Variants in LIN28B observed in about 807,000 individuals in gnomAD.
The protein encoded by LIN28B is protein lin-28 homolog B.
A neutral mutation model predicts 21.9 loss-of-function variants in LIN28B; 5 were observed. That is an observed-to-expected ratio of 0.23 (90% confidence interval 0.12 to 0.48). The LOEUF (loss-of-function observed/expected upper bound fraction) is 0.48, where lower values mean the gene tolerates loss of function less well. Among genes scored for constraint, LIN28B ranks in the 20% least tolerant of loss-of-function variants. LIN28B has a pLI of 0.98. For synonymous variants in LIN28B, 109 were observed against 111.3 expected (o/e 0.98, Z 0.13); for missense variants, 245 against 310.5 (o/e 0.79, Z 1.58).
chr6:104,962,099 A>G (rs896716481), intron 2 of LIN28B, among the ~76,000 whole-genome samples: 36 of 152,160 alleles, frequency 2.4e-4, no homozygotes, highest in African/African-American at 8.4e-4. Context: ...GGTGTAGAAT[A>G]CATTCTCCTT....
intron 2 of LIN28B, among the ~76,000 whole-genome samples, chr6:105,007,273 T>G (rs950892319): frequency 1.3e-5 from 2 of 152,210 alleles, no homozygotes; most frequent in East Asian, 3.8e-4. Flanking sequence ...TTTGAATTTA[T>G]TATTCAAAAC....
intron 3 of LIN28B, among the ~76,000 whole-genome samples, chr6:105,045,200 AT>A (rs1562104294): frequency 1.3e-5 from 2 of 151,364 alleles, no homozygotes; most frequent in African/African-American, 2.4e-5. Context: ...AATCCTGAGT[AT>A]TCCTAAATCC....
chr6:105,036,652 C>T lies in LIN28B; in HGVS notation c.383+10170C>T, dbSNP rs867875141. Among the ~76,000 whole-genome samples, 500 of 151,922 alleles carry T rather than the reference C, an allele frequency of 3.3e-3. 5 individuals are homozygous for T. The highest frequency in any genetic ancestry group is 0.025 in the South Asian group (122 of 4,816). On this transcript the variant is annotated intron_variant, in intron 3 of 3. Transcript: ENST00000345080. ...GCGCTGCATAGGTCTCCCAAGATGCCATTGGAATGGTCAGAAGCCAAGTGG... is the reference window on the plus strand; with the variant it reads ...GCGCTGCATAGGTCTCCCAAGATGCTATTGGAATGGTCAGAAGCCAAGTGG...
At chr6:105,061,175 A>G (rs1298048900) in intron 3 of LIN28B, among the ~76,000 whole-genome samples, 1 of 152,210 alleles carries the variant, frequency 6.6e-6, no homozygotes, top group Non-Finnish European at 1.5e-5. Flanking sequence ...GATAGAATTT[A>G]TATGAACTAA....
At chr6:105,040,602 G>A (rs1771612905) in intron 3 of LIN28B, among the ~76,000 whole-genome samples, 1 of 151,602 alleles carries the variant, frequency 6.6e-6, no homozygotes, top group South Asian at 2.1e-4. Context: ...AATGGGGTAG[G>A]TGTTCAAAAA....
At position 104,957,232 on chromosome 6, in the gene LIN28B, T is replaced by C; in HGVS notation, c.-19T>C. Reference sequence around the variant, plus strand: ...AGTTTTCATCTCACGAGTTTGGAGCTGAGGGCCCGTGGGGCAACATGGCCG... The same window carrying C: ...AGTTTTCATCTCACGAGTTTGGAGCCGAGGGCCCGTGGGGCAACATGGCCG... On this transcript the variant is annotated 5_prime_UTR_variant, in exon 1 of 4. Transcript: ENST00000345080. The C allele has an allele frequency of 6.2e-7, 1 of 1,613,592 alleles. No individual in the cohort carries two copies. The highest frequency in any genetic ancestry group is 8.5e-7 in the Non-Finnish European group (1 of 1,179,594).
At chr6:105,039,107 CA>C (rs1276544004) in intron 3 of LIN28B, among the ~76,000 whole-genome samples, 1 of 151,990 alleles carries the variant, frequency 6.6e-6, no homozygotes. Flanking sequence ...GGGTTATGAC[CA>C]GTATTATTAA....
chr6:104,950,652 A>G (rs935933530), intron 3 of LIN28B: 8 of 426,584 alleles, frequency 1.9e-5, no homozygotes, highest in Non-Finnish European at 2.4e-5. Flanking sequence ...AAGTCCTCCT[A>G]TACTTCGTCC....
chr6:105,057,820 T>A (rs1040170952), intron 3 of LIN28B, among the ~76,000 whole-genome samples: 7 of 152,152 alleles, frequency 4.6e-5, no homozygotes, highest in Admixed American at 2.6e-4. Flanking sequence ...TATTTCAGTA[T>A]AAGAATAGGG....
chr6:104,986,996 A>C (rs1237217929), intron 2 of LIN28B, among the ~76,000 whole-genome samples: 1 of 152,162 alleles, frequency 6.6e-6, no homozygotes, highest in Non-Finnish European at 1.5e-5. Flanking sequence ...AGACATACCA[A>C]AGCATGTATA....
intron 2 of LIN28B, among the ~76,000 whole-genome samples, chr6:104,970,811 T>G (rs1222707372): frequency 6.6e-6 from 1 of 152,166 alleles, no homozygotes; most frequent in African/African-American, 2.4e-5. Flanking sequence ...ATTAATTAGA[T>G]GTATTTCTTC....
At chr6:105,009,017 A>G (rs935294190) in intron 2 of LIN28B, among the ~76,000 whole-genome samples, 2 of 152,222 alleles carry the variant, frequency 1.3e-5, no homozygotes, top group African/African-American at 4.8e-5. Context: ...TCACCACATC[A>G]TTTAATATCA....
chr6:104,940,376 A>T (rs1231303801), intron 2 of LIN28B: 1 of 155,316 alleles, frequency 6.4e-6, no homozygotes, highest in Non-Finnish European at 1.5e-5. Flanking sequence ...TCCCAGACTG[A>T]CGCTGCGCGC....
At chr6:105,038,644 C>A (rs1436607117) in intron 3 of LIN28B, among the ~76,000 whole-genome samples, 1 of 151,992 alleles carries the variant, frequency 6.6e-6, no homozygotes, top group African/African-American at 2.4e-5. Context: ...AGGTGCTAGC[C>A]GTAACCAAAC....
At chr6:104,978,363 A>ACC (rs1454231825) in intron 2 of LIN28B, among the ~76,000 whole-genome samples, 1 of 152,200 alleles carries the variant, frequency 6.6e-6, no homozygotes, top group Non-Finnish European at 1.5e-5. Flanking sequence ...AGATGGTATT[A>ACC]AATGTAACTA....
chr6:104,960,995 C>T (rs1370575124), intron 2 of LIN28B, among the ~76,000 whole-genome samples: 1 of 152,136 alleles, frequency 6.6e-6, no homozygotes, highest in Non-Finnish European at 1.5e-5. Flanking sequence ...TCTCTTTAGA[C>T]ATGTTGATAA....
intron 3 of LIN28B, among the ~76,000 whole-genome samples, chr6:105,064,736 G>A (rs1245998509): frequency 2.0e-5 from 3 of 151,854 alleles, no homozygotes; most frequent in Non-Finnish European, 4.4e-5. Flanking sequence ...CACCAGTCAG[G>A]GTATCATTCA....
chr6:104,962,880 G>A (rs1769777914), intron 2 of LIN28B, among the ~76,000 whole-genome samples: 1 of 152,068 alleles, frequency 6.6e-6, no homozygotes. Context: ...TTGAAAATGT[G>A]AACATAAGCA....
intron 2 of LIN28B, among the ~76,000 whole-genome samples, chr6:104,945,842 A>G (rs1272402347): frequency 5.3e-5 from 8 of 152,112 alleles, no homozygotes; most frequent in Admixed American, 2.0e-4. Flanking sequence ...TTGCCTTTAA[A>G]CAATTTTGAA....
Sources: allele counts gnomAD v4.1 joint callset (sites outside exome capture counted in the v4.1 genomes callset), GRCh38; gene constraint gnomAD v4.1.1; transcripts MANE v1.5; gene names NCBI Gene and HGNC (gene_info 2026-07-23, HGNC 2026-07-21).